FSHR: variants seen among roughly 807,000 people sequenced by gnomAD.
FSHR encodes follicle stimulating hormone receptor.
Under a neutral mutation model 52.1 loss-of-function variants are expected in FSHR, and 46 were observed. The ratio of observed to expected loss-of-function variants is 0.88; its 90% CI spans 0.70 to 1.13. The LOEUF (loss-of-function observed/expected upper bound fraction) is 1.13. Among genes scored for constraint, FSHR ranks in the 50% most tolerant of loss-of-function variants. FSHR has a pLI of 0.00. For synonymous variants in FSHR, 399 were observed against 309.6 expected (o/e 1.29, Z -3.03); for missense variants, 964 against 834.6 (o/e 1.16, Z -1.91).
At chr2:48,965,367 TTTTG>T (rs1467137788) in intron 9 of FSHR, among the ~76,000 whole-genome samples, 1 of 152,286 alleles carries the variant, frequency 6.6e-6, no homozygotes, top group East Asian at 1.9e-4. Flanking sequence ...AAGGGATTCT[TTTTG>T]TTTGTTTGTT....
chr2:49,038,897 G>A (rs993977607), intron 2 of FSHR, among the ~76,000 whole-genome samples: 2 of 152,018 alleles, frequency 1.3e-5, no homozygotes, highest in African/African-American at 4.8e-5. Context: ...CAGAACAATA[G>A]AGAAGGAGAA....
chr2:48,973,237 GAGTT>G (rs763510509), intron 8 of FSHR, among the ~76,000 whole-genome samples: 1 of 147,848 alleles, frequency 6.8e-6, no homozygotes, highest in Non-Finnish European at 1.5e-5. Context: ...CGTATGGACA[GAGTT>G]AGAGAAGACA....
At chr2:49,082,776 G>T (rs909568344) in intron 1 of FSHR, among the ~76,000 whole-genome samples, 1 of 152,150 alleles carries the variant, frequency 6.6e-6, no homozygotes, top group African/African-American at 2.4e-5. Context: ...GAAATGAAGC[G>T]AGGAGGGAAG....
chr2:48,981,942 CTG>C (rs1479434306), intron 8 of FSHR, among the ~76,000 whole-genome samples: 2 of 152,226 alleles, frequency 1.3e-5, no homozygotes, highest in Admixed American at 6.5e-5. Context: ...TTCAGTAAAA[CTG>C]TAGATTTATT....
At chr2:49,039,927 T>G (rs1003434175) in intron 2 of FSHR, among the ~76,000 whole-genome samples, 4 of 100,278 alleles carry the variant, frequency 4.0e-5, no homozygotes, top group African/African-American at 1.7e-4. Flanking sequence ...ATTGGTGGTT[T>G]TTTTTTTTCT....
chr2:49,130,189 T>G (rs1427215652), intron 1 of FSHR, among the ~76,000 whole-genome samples: 1 of 152,154 alleles, frequency 6.6e-6, no homozygotes, highest in Non-Finnish European at 1.5e-5. Flanking sequence ...GCCCTGATGT[T>G]TTGCTAGGAG....
chr2:49,073,259 A>G (rs560304062), intron 1 of FSHR, among the ~76,000 whole-genome samples: 103 of 152,188 alleles, frequency 6.8e-4, no homozygotes, highest in Non-Finnish European at 1.2e-3. Flanking sequence ...GGAAAAGAGG[A>G]AGGCAAATTG....
chr2:49,061,252 G>T (rs1050972380), intron 2 of FSHR, among the ~76,000 whole-genome samples: 1 of 152,040 alleles, frequency 6.6e-6, no homozygotes, highest in Non-Finnish European at 1.5e-5. Flanking sequence ...ATAAGCCTGG[G>T]ACCCTGCCCC....
intron 4 of FSHR, chr2:48,997,315 GA>G (rs1299949953): frequency 1.0e-6 from 1 of 984,634 alleles, no homozygotes. Flanking sequence ...TATTTAACTG[GA>G]ACTCTTTGTC....
intron 2 of FSHR, among the ~76,000 whole-genome samples, chr2:49,026,939 C>A (rs1667930299): frequency 6.6e-6 from 1 of 152,148 alleles, no homozygotes. Flanking sequence ...CTGAGACCAG[C>A]ATCCCTTGTC....
chr2:49,083,815 C>T (rs998532985), intron 1 of FSHR, among the ~76,000 whole-genome samples: 4 of 146,458 alleles, frequency 2.7e-5, no homozygotes, highest in South Asian at 2.2e-4. Context: ...TATATATGCA[C>T]CCAATACAGG....
rs1559066196 is a variant in FSHR, at chr2:48,962,545, T to A, written c.*188A>T. ...TTGCATTCTTTAATTATTATTGTTG[T>A]TACTAATAATTCAGCTTCCTAATGT... On this transcript the variant is annotated 3_prime_UTR_variant, in exon 10 of 10. Coordinates refer to ENST00000406846, the MANE Select transcript of FSHR (RefSeq NM_000145.4). 3 of 614,372 alleles carry A rather than the reference T, an allele frequency of 4.9e-6. No homozygotes were observed. The highest frequency in any genetic ancestry group is 3.7e-5 in the African/African-American group (2 of 54,122). The allele number at this position is 614,372 out of a possible 1,614,324, so 38.1% of individuals were successfully genotyped here. A position where few individuals can be genotyped will look rare whatever the true frequency, so the allele number is the denominator to read the frequency against.
In FSHR at chr2:48,964,426, T is replaced by C. The variant is rs146944902; in HGVS notation, c.855-460A>G. On this transcript the variant is annotated intron_variant, in intron 9 of 9. Transcript: ENST00000406846. ...AATGAGAACTTATTTGCTTCTCTTA[T>C]CTACATAAATTAGGGGATCAAAATC... Among the ~76,000 whole-genome samples, 16 of 152,330 alleles carry C rather than the reference T, an allele frequency of 1.1e-4. No individual in the cohort carries two copies. The East Asian group carries it at 3.1e-3, about 29-fold the overall frequency.
At chr2:49,151,008 T>C (rs2103861546) in intron 1 of FSHR, among the ~76,000 whole-genome samples, 1 of 152,292 alleles carries the variant, frequency 6.6e-6, no homozygotes, top group Non-Finnish European at 1.5e-5. Flanking sequence ...AAAGTTTTCT[T>C]GGAACATGTC....
At chr2:48,982,773 A>C in intron 8 of FSHR, 139 bp downstream of exon 8, 1 of 758,066 alleles carries the variant, frequency 1.3e-6, no homozygotes. Flanking sequence ...TGTCTCTATA[A>C]ATTTTTGCAG....
chr2:49,103,628 C>T (rs1027592099), intron 1 of FSHR, among the ~76,000 whole-genome samples: 1 of 152,056 alleles, frequency 6.6e-6, no homozygotes, highest in Non-Finnish European at 1.5e-5. Context: ...ACGGCTGGCT[C>T]ATTGGTACAG....
At chr2:48,968,480 T>C (rs75558208) in intron 9 of FSHR, among the ~76,000 whole-genome samples, 2 of 152,260 alleles carry the variant, frequency 1.3e-5, no homozygotes, top group Admixed American at 1.3e-4. Context: ...TTCTGCCACA[T>C]GGGTAGCCCT....
At chr2:49,086,893 C>A (rs891472282) in intron 1 of FSHR, among the ~76,000 whole-genome samples, 1 of 152,002 alleles carries the variant, frequency 6.6e-6, no homozygotes, top group African/African-American at 2.4e-5. Context: ...CTTGGCCTCC[C>A]AAAGTGGTGG....
intron 1 of FSHR, among the ~76,000 whole-genome samples, chr2:49,104,710 T>C (rs1671161485): frequency 6.6e-6 from 1 of 152,090 alleles, no homozygotes. Flanking sequence ...CTGGGTGTTG[T>C]TTTTTGGTTC....
Sources: gnomAD v4.1 joint callset for allele counts (sites outside exome capture counted in the v4.1 genomes callset) on GRCh38, gnomAD v4.1.1 for gene constraint, MANE v1.5 for transcripts, NCBI Gene and HGNC (gene_info 2026-07-23, HGNC 2026-07-21) for gene names.